The following EPHB1 variants were observed in gnomAD, a reference collection of about 807,000 sequenced individuals.
The protein encoded by EPHB1 is ephrin type-B receptor 1.
In EPHB1, 30 loss-of-function variants were observed where a neutral mutation model predicts 94.4. That is an observed-to-expected ratio of 0.32 (90% CI 0.24 to 0.43). The LOEUF is 0.43. Among genes scored for constraint, EPHB1 ranks in the 20% least tolerant of loss-of-function variants. EPHB1 has a pLI of 1.00. For synonymous variants in EPHB1, 522 were observed against 489.1 expected (o/e 1.07, Z -0.89); for missense variants, 1,055 against 1,308.3 (o/e 0.81, Z 2.99).
At chr3:135,143,923 G>C (rs921231369) in intron 5 of EPHB1, among the ~76,000 whole-genome samples, 1 of 152,222 alleles carries the variant, frequency 6.6e-6, no homozygotes, top group African/African-American at 2.4e-5. Context: ...CCAGGAGGCA[G>C]AAGTGCCACC....
chr3:134,943,571 G>C (rs1468369453), intron 2 of EPHB1, among the ~76,000 whole-genome samples: 1 of 152,140 alleles, frequency 6.6e-6, no homozygotes, highest in Non-Finnish European at 1.5e-5. Context: ...CTGACCTCCA[G>C]GTTGGAAAAT....
intron 1 of EPHB1, among the ~76,000 whole-genome samples, chr3:134,899,786 T>C (rs1448341451): frequency 6.6e-6 from 1 of 152,188 alleles, no homozygotes; most frequent in Non-Finnish European, 1.5e-5. Flanking sequence ...GCCATCCTCC[T>C]GCTTCAGCCT....
rs1171160719 is a variant in EPHB1, at chr3:135,260,362, C to A, written c.*1242C>A. The A allele has an allele frequency of 4.3e-6, 1 of 231,520 alleles. No homozygotes were observed. Among genetic ancestry groups the A allele is most frequent in the Non-Finnish European group, 8.6e-6 (1 of 116,786 alleles). The allele number at this position is 231,520 out of a possible 1,614,324, so 14.3% of individuals were successfully genotyped here. On this transcript the variant is annotated 3_prime_UTR_variant, in exon 16 of 16. Transcript: ENST00000398015. ...ATTGTTCAATTCACTTTTGTAAATTCCACCTAACATTTAATTATTTTAAAT... is the reference window on the plus strand; with the variant it reads ...ATTGTTCAATTCACTTTTGTAAATTACACCTAACATTTAATTATTTTAAAT...
intron 3 of EPHB1, among the ~76,000 whole-genome samples, chr3:135,105,413 G>A (rs1576388014): frequency 6.6e-6 from 1 of 152,196 alleles, no homozygotes; most frequent in African/African-American, 2.4e-5. Flanking sequence ...AAAGGAGGAT[G>A]AGCCAGAGTA....
At chr3:135,010,964 G>A (rs1460242658) in intron 3 of EPHB1, among the ~76,000 whole-genome samples, 8 of 152,176 alleles carry the variant, frequency 5.3e-5, no homozygotes, top group Non-Finnish European at 1.0e-4. Context: ...TTTGGTTTAT[G>A]TTACTTTTTG....
intron 1 of EPHB1, among the ~76,000 whole-genome samples, chr3:134,846,578 C>G (rs560201325): frequency 2.0e-5 from 3 of 152,228 alleles, no homozygotes; most frequent in East Asian, 1.9e-4. Flanking sequence ...TGGCTTTTCC[C>G]CCTTCTTCTC....
At chr3:135,039,793 T>C (rs1936776112) in intron 3 of EPHB1, among the ~76,000 whole-genome samples, 1 of 152,178 alleles carries the variant, frequency 6.6e-6, no homozygotes, top group Non-Finnish European at 1.5e-5. Context: ...GCAGCCCCGG[T>C]TCCCGCTCGT....
chr3:134,978,168 C>T, intron 3 of EPHB1: 1 of 241,534 alleles, frequency 4.1e-6, no homozygotes, highest in South Asian at 2.2e-5. Context: ...CACTGAGTTA[C>T]AAGTCCTATC....
At chr3:135,214,651 A>G (rs1943103602) in intron 12 of EPHB1, among the ~76,000 whole-genome samples, 1 of 152,136 alleles carries the variant, frequency 6.6e-6, no homozygotes. Flanking sequence ...ATTATCCATT[A>G]TTCCCATGAA....
chr3:135,215,244 A>G (rs967914900), intron 12 of EPHB1, among the ~76,000 whole-genome samples: 1 of 151,244 alleles, frequency 6.6e-6, no homozygotes, highest in Non-Finnish European at 1.5e-5. Context: ...GCTCACCGCA[A>G]CCTCCACCTC....
At chr3:135,254,940 C>G (rs988153770) in intron 15 of EPHB1, among the ~76,000 whole-genome samples, 1 of 152,152 alleles carries the variant, frequency 6.6e-6, no homozygotes, top group Admixed American at 6.5e-5. Flanking sequence ...CTGGTTTAGT[C>G]TTGGGAGAGT....
At chr3:134,875,122 A>C (rs2037590323) in intron 1 of EPHB1, among the ~76,000 whole-genome samples, 1 of 152,118 alleles carries the variant, frequency 6.6e-6, no homozygotes, top group South Asian at 2.1e-4. Flanking sequence ...GCTTGCTGGC[A>C]CCCTGACAGA....
intron 1 of EPHB1, among the ~76,000 whole-genome samples, chr3:134,848,570 C>T (rs115508364): frequency 1.4e-3 from 211 of 152,298 alleles, no homozygotes; most frequent in Non-Finnish European, 2.1e-3. Flanking sequence ...CTTCATTCAT[C>T]GCAAGCATTA....
At chr3:135,081,685 G>A (rs1192124896) in intron 3 of EPHB1, among the ~76,000 whole-genome samples, 1 of 152,142 alleles carries the variant, frequency 6.6e-6, no homozygotes, top group Non-Finnish European at 1.5e-5. Flanking sequence ...CCTAGAGGCT[G>A]GTGTTCTGGG....
At chr3:134,950,306 C>T (rs548773069) in intron 2 of EPHB1, among the ~76,000 whole-genome samples, 1 of 152,316 alleles carries the variant, frequency 6.6e-6, no homozygotes, top group South Asian at 2.1e-4. Flanking sequence ...CCAGCATTTT[C>T]CTCCATCATA....
intron 1 of EPHB1, among the ~76,000 whole-genome samples, chr3:134,921,646 A>G (rs1430388352): frequency 1.3e-5 from 2 of 152,258 alleles, no homozygotes; most frequent in East Asian, 1.9e-4. Flanking sequence ...GTGTAACATA[A>G]TTAGATTCTT....
chr3:134,813,557 G>A (rs2036215360), intron 1 of EPHB1, among the ~76,000 whole-genome samples: 1 of 152,188 alleles, frequency 6.6e-6, no homozygotes, highest in South Asian at 2.1e-4. Context: ...GGACTCTCAG[G>A]ACTGGGCCCA....
chr3:135,106,329 T>C, intron 3 of EPHB1, 119 bp from the exon 4 acceptor site: 1 of 1,106,618 alleles, frequency 9.0e-7, no homozygotes, highest in Non-Finnish European at 1.3e-6. Context: ...TCTCCCTTGG[T>C]ACGAGAGGGG....
intron 1 of EPHB1, among the ~76,000 whole-genome samples, chr3:134,909,937 T>C (rs1007557): frequency 0.28 from 42,171 of 152,098 alleles, 6,952 homozygotes; most frequent in East Asian, 0.48. Context: ...CAAAAGGACC[T>C]AGAGTGATCA....
Sources: gnomAD v4.1 joint callset for allele counts (sites outside exome capture counted in the v4.1 genomes callset) on GRCh38, gnomAD v4.1.1 for gene constraint, MANE v1.5 for transcripts, NCBI Gene and HGNC (gene_info 2026-07-23, HGNC 2026-07-21) for gene names.